Variants in IL1RAPL1 observed in about 807,000 individuals in gnomAD.
IL1RAPL1 encodes interleukin 1 receptor accessory protein like 1, also known as interleukin-1 receptor accessory protein-like 1.
In IL1RAPL1, 3 loss-of-function variants were observed where a neutral mutation model predicts 48.4. The observed-to-expected ratio is 0.06, with a 90% CI of 0.03 to 0.16. IL1RAPL1 has a LOEUF of 0.16. Ranked by LOEUF, IL1RAPL1 falls within the 10% of genes least tolerant of loss-of-function variation. IL1RAPL1 has a pLI of 1.00. For missense variants in IL1RAPL1, 349 were observed against 530.6 expected (o/e 0.66, Z 3.36); for synonymous variants, 185 against 187.7 (o/e 0.99, Z 0.12).
intron 5 of IL1RAPL1, among the ~76,000 whole-genome samples, chrX:29,438,417 T>C (rs939473249): frequency 9.0e-6 from 1 of 111,315 alleles, no homozygotes; most frequent in Non-Finnish European, 1.9e-5. Context: ...CTCTGTGCAG[T>C]GTGCTTTGGG....
intron 6 of IL1RAPL1, among the ~76,000 whole-genome samples, chrX:29,810,477 C>T (rs189031745): frequency 1.5e-3 from 168 of 111,593 alleles, no homozygotes; most frequent in African/African-American, 5.4e-3. Context: ...GGTGAGCCAC[C>T]GTACCCAGCC....
intron 6 of IL1RAPL1, among the ~76,000 whole-genome samples, chrX:29,843,262 A>G (rs188732544): frequency 6.3e-4 from 71 of 112,472 alleles, no homozygotes; most frequent in Non-Finnish European, 1.2e-3. Flanking sequence ...TTAGCTGGTA[A>G]GGTACATGAC....
intron 6 of IL1RAPL1, among the ~76,000 whole-genome samples, chrX:29,895,558 A>G (rs1192757254): frequency 1.8e-5 from 2 of 112,811 alleles, no homozygotes; most frequent in Non-Finnish European, 1.9e-5. Flanking sequence ...TCTCAAAGAA[A>G]AAAAGCTATT....
chrX:29,041,941 AAG>A (rs1337088966), intron 2 of IL1RAPL1, among the ~76,000 whole-genome samples: 1 of 111,916 alleles, frequency 8.9e-6, no homozygotes, highest in African/African-American at 3.2e-5. Flanking sequence ...AGTAATAGCT[AAG>A]AGGGGGAGAA....
At chrX:29,095,791 A>G (rs1182213779) in intron 2 of IL1RAPL1, among the ~76,000 whole-genome samples, 33 of 103,417 alleles carry the variant, frequency 3.2e-4, no homozygotes, top group African/African-American at 1.1e-3. Flanking sequence ...TTTTTTTACC[A>G]TCTTTCAAGA....
At chrX:28,732,422 A>G (rs1410254156) in intron 1 of IL1RAPL1, among the ~76,000 whole-genome samples, 3 of 111,950 alleles carry the variant, frequency 2.7e-5, no homozygotes, top group African/African-American at 9.7e-5. Flanking sequence ...CCGTATATAA[A>G]TAGGATCAAG....
At chrX:29,113,329 C>T (rs1013467337) in intron 2 of IL1RAPL1, among the ~76,000 whole-genome samples, 2 of 111,472 alleles carry the variant, frequency 1.8e-5, no homozygotes, top group Non-Finnish European at 3.8e-5. Flanking sequence ...ATCAAGTTTT[C>T]GTATATGCAC....
intron 5 of IL1RAPL1, among the ~76,000 whole-genome samples, chrX:29,516,143 T>C (rs1935443402): frequency 8.9e-6 from 1 of 112,073 alleles, no homozygotes; most frequent in African/African-American, 3.2e-5. Flanking sequence ...CATGCCTATA[T>C]TGGGCTGTAG....
intron 3 of IL1RAPL1, among the ~76,000 whole-genome samples, chrX:29,381,420 C>T (rs1413147337): frequency 2.3e-5 from 2 of 86,908 alleles, no homozygotes; most frequent in Admixed American, 1.5e-4. Context: ...TTTGGGAGGC[C>T]GAGGTGGGAG....
At chrX:29,514,908 C>T (rs1392397455) in intron 5 of IL1RAPL1, among the ~76,000 whole-genome samples, 2 of 112,575 alleles carry the variant, frequency 1.8e-5, no homozygotes, top group Non-Finnish European at 3.7e-5. Context: ...AATGCCATAA[C>T]CTTGATATTC....
Position 29,551,778 on chromosome X carries a change from C to G in IL1RAPL1, c.704-116652C>G, listed in dbSNP as rs139337817. On this transcript the variant is annotated intron_variant, in intron 5 of 10. Transcript: ENST00000378993. Reference sequence around the variant, plus strand: ...AAACATTCTCAAGGTCTCTCTTTCACCCCACCCCACCCCTCCCAGCATCTC... The same window carrying G: ...AAACATTCTCAAGGTCTCTCTTTCAGCCCACCCCACCCCTCCCAGCATCTC... 5.5e-3 allele frequency among the ~76,000 whole-genome samples: 586 copies of G among 106,808 alleles called. 3 individuals carry two copies. Among genetic ancestry groups the G allele is most frequent in the Non-Finnish European group, 9.4e-3 (482 of 51,546 alleles). 92.7% of individuals were successfully genotyped at this position (106,808 alleles called of 115,157 possible).
intron 1 of IL1RAPL1, among the ~76,000 whole-genome samples, chrX:28,623,686 GC>G (rs1934308351): frequency 9.0e-6 from 1 of 111,713 alleles, no homozygotes; most frequent in African/African-American, 3.3e-5. Flanking sequence ...TGAACATCTG[GC>G]TTTGTGAAAT....
At position 28,631,614 on chromosome X, in the gene IL1RAPL1, A is replaced by AT. The variant is rs1934402440; in HGVS notation, c.-25+43569dup. On this transcript the variant is annotated intron_variant, in intron 1 of 10. Coordinates refer to ENST00000378993, the MANE Select transcript of IL1RAPL1 (RefSeq NM_014271.4). ...TGCTACTAAGTAAAATGTGTTGAAGATTAAAGCCCATTTTTAATTTTACTA... is the reference window on the plus strand; with the variant it reads ...TGCTACTAAGTAAAATGTGTTGAAGATTTAAAGCCCATTTTTAATTTTACTA... Among the ~76,000 whole-genome samples, 3 of 112,307 alleles carry AT rather than the reference A, an allele frequency of 2.7e-5. No homozygotes were observed. In the South Asian group the frequency reaches 1.1e-3, roughly 41 times the overall value.
intron 3 of IL1RAPL1, among the ~76,000 whole-genome samples, chrX:29,374,598 C>T (rs1370755866): frequency 2.8e-5 from 3 of 109,084 alleles, no homozygotes; most frequent in Non-Finnish European, 5.7e-5. Flanking sequence ...AAGGAGATGC[C>T]GTACAAAGAT....
intron 2 of IL1RAPL1, among the ~76,000 whole-genome samples, chrX:29,169,190 T>A (rs1826568973): frequency 9.1e-6 from 1 of 109,476 alleles, no homozygotes; most frequent in African/African-American, 3.3e-5. Flanking sequence ...GTAATGGGAT[T>A]GCTGGATCAT....
chrX:28,689,635 A>G (rs1935153940), intron 1 of IL1RAPL1, among the ~76,000 whole-genome samples: 1 of 112,228 alleles, frequency 8.9e-6, no homozygotes, highest in Admixed American at 9.4e-5. Flanking sequence ...ACGTCCTTTG[A>G]AATAAATAGG....
chrX:29,468,546 T>C (rs1934887775), intron 5 of IL1RAPL1, among the ~76,000 whole-genome samples: 1 of 81,860 alleles, frequency 1.2e-5, no homozygotes, highest in Admixed American at 1.2e-4. Context: ...GTGGCGATAA[T>C]TCTTCGACTT....
chrX:29,596,246 G>A (rs1401178035), intron 5 of IL1RAPL1, among the ~76,000 whole-genome samples: 3 of 111,232 alleles, frequency 2.7e-5, no homozygotes, highest in African/African-American at 9.8e-5. Flanking sequence ...ATTTTAGGAC[G>A]GCTTTTCTAG....
intron 5 of IL1RAPL1, among the ~76,000 whole-genome samples, chrX:29,494,877 T>C (rs901752457): frequency 1.2e-4 from 14 of 112,535 alleles, no homozygotes; most frequent in African/African-American, 4.5e-4. Context: ...TAAGCCTCAA[T>C]TTCCATTTAA....
Sources: allele counts gnomAD v4.1 joint callset (sites outside exome capture counted in the v4.1 genomes callset), GRCh38; gene constraint gnomAD v4.1.1; transcripts MANE v1.5; gene names NCBI Gene and HGNC (gene_info 2026-07-23, HGNC 2026-07-21).